Variants in TECPR1 observed in about 807,000 individuals in gnomAD.
The protein encoded by TECPR1 is tectonin beta-propeller repeat containing 1.
A neutral mutation model predicts 162.4 loss-of-function variants in TECPR1; 122 were observed. That is an observed-to-expected ratio of 0.75 (90% CI 0.65 to 0.87). The LOEUF (loss-of-function observed/expected upper bound fraction) is 0.87, where lower values mean the gene tolerates loss of function less well. Among genes scored for constraint, TECPR1 ranks in the 40% least tolerant of loss-of-function variants. The pLI is 0.00. For synonymous variants in TECPR1, 642 were observed against 670.6 expected (o/e 0.96, Z 0.66); for missense variants, 1,432 against 1,618.2 (o/e 0.88, Z 1.97).
At chr7:98,238,852 C>T (rs1331166695) in intron 8 of TECPR1, among the ~76,000 whole-genome samples, 1 of 152,230 alleles carries the variant, frequency 6.6e-6, no homozygotes, top group Admixed American at 6.5e-5. Flanking sequence ...CTGGCCTCAG[C>T]CACATGTGTC....
chr7:98,232,085 G>A lies in TECPR1; in HGVS notation c.1819-126C>T. 1 of 990,340 alleles carries A rather than the reference G, an allele frequency of 1.0e-6. No individual in the cohort carries two copies. Among genetic ancestry groups the A allele is most frequent in the South Asian group, 1.6e-5 (1 of 64,150 alleles). 61.3% of individuals were successfully genotyped at this position (990,340 alleles called of 1,614,324 possible). A position where few individuals can be genotyped will look rare whatever the true frequency, so the allele number is the denominator to read the frequency against. On this transcript the variant is annotated intron_variant, in intron 12 of 25. Coordinates refer to ENST00000447648, the MANE Select transcript of TECPR1 (RefSeq NM_015395.3). The surrounding 1 kb of genome is among the most constrained non-coding windows in gnomAD (Gnocchi z 4.6). ...TAGGGCCCACCCAGCACTCCCGGCT[G>A]TCAGCCCAGCTCCCCCTATGCTAAT...
At chr7:98,233,077 G>T in intron 11 of TECPR1, 105 bp from the exon 12 acceptor site, 1 of 1,341,304 alleles carries the variant, frequency 7.5e-7, no homozygotes, top group Non-Finnish European at 1.0e-6. Flanking sequence ...TAGCTCAAAA[G>T]CTACGCTCTC....
At chr7:98,218,064 G>C (rs745740652) in intron 23 of TECPR1, 22 bp from the exon 24 acceptor site, 117 of 1,543,198 alleles carry the variant, frequency 7.6e-5, no homozygotes, top group Admixed American at 3.7e-4. Context: ...AGCAGTGAGG[G>C]TCAAAGGGGA....
chr7:98,217,424 GC>G lies in TECPR1; in HGVS notation c.3463del (p.Ala1155ProfsTer69). 1 of 1,606,390 alleles carries G rather than the reference GC, an allele frequency of 6.2e-7. No homozygotes were observed. Among genetic ancestry groups the G allele is most frequent in the South Asian group, 1.1e-5 (1 of 90,392 alleles). ...GACGGGGCCATGGGCCTCTGGTGGG[GC>G]ACTCGGCTCCTGCTCCTGGGACGAG... is the stretch of plus-strand genomic sequence containing the variant. ...RSSSQEQEPS[A>X]PPEAHGPVCC is the part of the protein sequence containing the mutation. On this transcript the variant is annotated frameshift_variant, in exon 26 of 26. Transcript: ENST00000447648. LOFTEE classifies it high-confidence loss of function.
chr7:98,235,252 G>A (rs898855754), intron 10 of TECPR1, among the ~76,000 whole-genome samples: 2 of 152,180 alleles, frequency 1.3e-5, no homozygotes, highest in East Asian at 1.9e-4. Context: ...GGGGCCAGGC[G>A]CAGTGGCTCA....
Position 98,240,834 on chromosome 7 carries a change from C to T in TECPR1, c.933+17G>A. 1.9e-6 allele frequency: 3 copies of T among 1,581,860 alleles called. No homozygotes were observed. Among genetic ancestry groups the T allele is most frequent in the Non-Finnish European group, 1.7e-6 (2 of 1,166,994 alleles). On this transcript the variant is annotated intron_variant, in intron 8 of 25. Coordinates refer to ENST00000447648, the MANE Select transcript of TECPR1 (RefSeq NM_015395.3). ...CTCCTGGGCTCAAGTGATCCCCCAG[C>T]CTCATCCCCATCTTACCTTCCAGTC...
At chr7:98,235,849 A>AAAAAAAAAAAAAAAAAAAAAACAACAAC in intron 10 of TECPR1, among the ~76,000 whole-genome samples, 2 of 110,258 alleles carry the variant, frequency 1.8e-5, no homozygotes, top group Admixed American at 9.8e-5. Flanking sequence ...AAAAAAAAAA[A>AAAAAAAAAAAAAAAAAAAAAACAACAAC]AACACCATCT....
In TECPR1 at chr7:98,245,054, A is replaced by G. The variant is rs1191302697; in HGVS notation, c.239T>C (p.Met80Thr). 3.8e-6 allele frequency: 6 copies of G among 1,588,622 alleles called. No individual in the cohort carries two copies. Among genetic ancestry groups the G allele is most frequent in the Non-Finnish European group, 5.1e-6 (6 of 1,168,620 alleles). Residue 80 changes from methionine (M) to threonine (T), a missense_variant, in exon 4 of 26, where the codon ATG (methionine) becomes ACG (threonine). Coordinates refer to ENST00000447648, the MANE Select transcript of TECPR1 (RefSeq NM_015395.3). ...EAYENQRWNP[M>T]GGFCEKLLLS... ...CAGGAGCTTCTCACAGAAGCCGCCC[A>G]TGGGATTCCAGCGCTGAGGGCCGGG...
intron 15 of TECPR1, among the ~76,000 whole-genome samples, chr7:98,229,376 C>T (rs945513680): frequency 2.0e-5 from 3 of 152,198 alleles, no homozygotes; most frequent in Non-Finnish European, 4.4e-5. Context: ...GGTCTCGGCA[C>T]TGGGGCTGTG....
chr7:98,244,305 G>C (rs1446155188), intron 5 of TECPR1, among the ~76,000 whole-genome samples: 1 of 152,238 alleles, frequency 6.6e-6, no homozygotes, highest in Non-Finnish European at 1.5e-5. Context: ...TGGAGGCTCA[G>C]TCTGGGACAG....
rs368849511 is a variant in TECPR1 at position 98,223,743 on chromosome 7, C to T, written c.2691-25G>A. On this transcript the variant is annotated intron_variant, in intron 19 of 25. Coordinates refer to ENST00000447648, the MANE Select transcript of TECPR1 (RefSeq NM_015395.3). Reference sequence around the variant, plus strand: ...GCTGCAAGGAGGAAGAAGATGAAATCAGGGCCACTTCGTGGAAGTTTCTGG... The same window carrying T: ...GCTGCAAGGAGGAAGAAGATGAAATTAGGGCCACTTCGTGGAAGTTTCTGG... 16 of 1,613,346 alleles carry T rather than the reference C, an allele frequency of 9.9e-6. No homozygotes were observed. In the African/African-American group the frequency reaches 1.9e-4, roughly 19 times the overall value.
Position 98,229,832 on chromosome 7 carries a change from C to A in TECPR1, c.2283-666G>T, listed in dbSNP as rs75473323. 1.2e-3 allele frequency among the ~76,000 whole-genome samples: 177 copies of A among 152,224 alleles called. 1 individual carries two copies. The highest frequency in any genetic ancestry group is 4.1e-3 in the African/African-American group (171 of 41,560). ...ACTATGTCCCCAGCCCCAGTGCCCACGGGTAATGAAGCCCAGGACCTCGTC... is the reference window on the plus strand; with the variant it reads ...ACTATGTCCCCAGCCCCAGTGCCCAAGGGTAATGAAGCCCAGGACCTCGTC... On this transcript the variant is annotated intron_variant, in intron 15 of 25. Coordinates refer to ENST00000447648, the MANE Select transcript of TECPR1 (RefSeq NM_015395.3).
chr7:98,215,364 A>AT lies in TECPR1; in HGVS notation c.*2025dup, dbSNP rs1348204714. ...TCTCAAATGACCCAAATTGGCTCTT[A>AT]TTTTTTCTAATGGCCCTTTCAAAGT... On this transcript the variant is annotated 3_prime_UTR_variant, in exon 26 of 26. Transcript: ENST00000447648. The AT allele has an allele frequency of 1.3e-5, 2 of 152,180 alleles. No individual in the cohort carries two copies. The highest frequency in any genetic ancestry group is 2.1e-4 in the South Asian group (1 of 4,826). The allele number at this position is 152,180 out of a possible 1,614,324, so 9.4% of individuals were successfully genotyped here.
intron 17 of TECPR1, 112 bp from the exon 18 acceptor site, chr7:98,225,214 G>T: frequency 1.0e-6 from 1 of 996,316 alleles, no homozygotes; most frequent in Non-Finnish European, 1.5e-6. Context: ...CTCAGAGCCA[G>T]CCACCTCCAG....
At chr7:98,247,459 G>T (rs1798940765) in intron 2 of TECPR1, among the ~76,000 whole-genome samples, 2 of 152,058 alleles carry the variant, frequency 1.3e-5, no homozygotes, top group Admixed American at 1.3e-4. Flanking sequence ...GTTTTCAAAA[G>T]AATCAATGAA....
Position 98,230,968 on chromosome 7 carries a change from C to G in TECPR1, c.2275G>C (p.Asp759His). 2 of 1,611,326 alleles carry G rather than the reference C, an allele frequency of 1.2e-6. No individual in the cohort carries two copies. Among genetic ancestry groups the G allele is most frequent in the Non-Finnish European group, 1.7e-6 (2 of 1,179,036 alleles). ...LEAHEHPLPC[D>H]QMFWRQMGGH... is the part of the protein sequence containing the mutation. ...AGAGTGCGGCTCACTCACATCTGGT[C>G]GCAGGGCAGGGGGTGCTCGTGGGCC... Residue 759 changes from aspartate to histidine, a missense_variant, in exon 15 of 26, where the codon GAC (aspartate) becomes CAC (histidine). Coordinates refer to ENST00000447648, the MANE Select transcript of TECPR1 (RefSeq NM_015395.3).
At chr7:98,229,839 T>G (rs1284030940) in intron 15 of TECPR1, among the ~76,000 whole-genome samples, 3 of 152,070 alleles carry the variant, frequency 2.0e-5, no homozygotes, top group African/African-American at 7.2e-5. Context: ...CCACGGGTAA[T>G]GAAGCCCAGG....
In TECPR1 at chr7:98,217,422, G is replaced by T; in HGVS notation, c.3466C>A (p.Pro1156Thr). The change falls in exon 26 of 26, where the codon CCA (proline) becomes ACA (threonine). Residue 1156 changes from proline (P) to threonine (T), a missense_variant. Transcript: ENST00000447648. ...CAGACGGGGCCATGGGCCTCTGGTG[G>T]GGCACTCGGCTCCTGCTCCTGGGAC... ...SSSQEQEPSA[P>T]PEAHGPVCC 1.2e-6 allele frequency: 2 copies of T among 1,605,754 alleles called. No individual in the cohort carries two copies. Among genetic ancestry groups the T allele is most frequent in the African/African-American group, 1.3e-5 (1 of 74,952 alleles).
chr7:98,232,376 C>T lies in TECPR1; in HGVS notation c.1819-417G>A, dbSNP rs1798467548. The stretch of plus-strand genomic sequence containing the variant: ...CTCTGTGTGACTTCCCTGTCACCCC[C>T]ACACTTGACCTCTGAGGGCCGGGCT... On this transcript the variant is annotated intron_variant, in intron 12 of 25. Transcript: ENST00000447648. The surrounding 1 kb of genome is among the most constrained non-coding windows in gnomAD (Gnocchi z 4.6). 1.3e-5 allele frequency among the ~76,000 whole-genome samples: 2 copies of T among 152,102 alleles called. No homozygotes were observed. The highest frequency in any genetic ancestry group is 2.9e-5 in the Non-Finnish European group (2 of 68,010).
Sources: allele counts gnomAD v4.1 joint callset (sites outside exome capture counted in the v4.1 genomes callset), GRCh38; gene constraint gnomAD v4.1.1; non-coding constraint Gnocchi (gnomAD v3.1); transcripts MANE v1.5; gene names NCBI Gene and HGNC (gene_info 2026-07-23, HGNC 2026-07-21).